The following OR6N2 variants were observed in gnomAD, a reference collection of about 807,000 sequenced individuals.
OR6N2 encodes olfactory receptor family 6 subfamily N member 2.
For synonymous variants in OR6N2, 160 were observed against 138.3 expected (o/e 1.16, Z -1.10); for missense variants, 399 against 379.7 (o/e 1.05, Z -0.42).
chr1:158,779,216 A>T (rs1657688978), intron 1 of OR6N2, among the ~76,000 whole-genome samples: 1 of 152,152 alleles, frequency 6.6e-6, no homozygotes, highest in South Asian at 2.1e-4. Flanking sequence ...AAAAGAAAAC[A>T]ATAACAAAAA....
In OR6N2 at chr1:158,774,859, T is replaced by C. The variant is rs1472397244; in HGVS notation, c.*1823A>G. 1 of 152,142 alleles carries C rather than the reference T, an allele frequency of 6.6e-6. No individual in the cohort carries two copies. The highest frequency in any genetic ancestry group is 1.5e-5 in the Non-Finnish European group (1 of 68,030). 9.4% of individuals were successfully genotyped at this position (152,142 alleles called of 1,614,324 possible). ...TGTGCAGAAAACTGGTGAGTACAAA[T>C]AGGGAAGACCGATGCATTCTATAGA... is the stretch of plus-strand genomic sequence containing the variant. On this transcript the variant is annotated 3_prime_UTR_variant, in exon 2 of 2. Transcript: ENST00000641131.
intron 1 of OR6N2, 96 bp from the exon 2 acceptor site, chr1:158,777,737 G>A: frequency 1.4e-6 from 1 of 718,876 alleles, no homozygotes; most frequent in African/African-American, 1.8e-5. Context: ...TAACTTAAAA[G>A]TAGCACTGAA....
At position 158,777,580 on chromosome 1, in the gene OR6N2, C is replaced by G. The variant is rs1316691746; in HGVS notation, c.56G>C (p.Ser19Thr). The G allele has an allele frequency of 1.2e-6, 2 of 1,614,042 alleles. No homozygotes were observed. The highest frequency in any genetic ancestry group is 1.7e-6 in the Non-Finnish European group (2 of 1,180,004). ...AAGCCAGCCCCTGACATAGCCCACA[C>G]TGGCAAAGCCAAGGAACACAAATTC... The part of the protein sequence containing the change: ...LAEFVFLGFA[S>T]VGYVRGWLFV... Residue 19 changes from serine (S) to threonine (T), a missense_variant, in exon 2 of 2, where the codon AGT (serine) becomes ACT (threonine). Physicochemically the swap from Ser to Thr is moderately conservative, Grantham distance 58. Transcript: ENST00000641131.
chr1:158,780,890 C>T (rs563708259), intron 1 of OR6N2, among the ~76,000 whole-genome samples: 1 of 152,312 alleles, frequency 6.6e-6, no homozygotes, highest in South Asian at 2.1e-4. Context: ...TCTTGTCTCT[C>T]TACCTTTTAA....
intron 1 of OR6N2, among the ~76,000 whole-genome samples, chr1:158,780,909 G>A (rs1358714805): frequency 6.6e-6 from 1 of 152,202 alleles, no homozygotes; most frequent in Non-Finnish European, 1.5e-5. Flanking sequence ...AAAAGCAAAT[G>A]TTTGCTAATC....
rs958145756 is a variant in OR6N2, at chr1:158,776,045, A to C, written c.*637T>G. ...TAGAGATCATATTTAAATCCATAAG[A>C]ATAACTCCGAGTATCTAGGGAGATA... On this transcript the variant is annotated 3_prime_UTR_variant, in exon 2 of 2. Transcript: ENST00000641131. The C allele has an allele frequency of 1.3e-5, 2 of 151,716 alleles. No individual in the cohort carries two copies. Among genetic ancestry groups the C allele is most frequent in the African/African-American group, 4.9e-5 (2 of 40,986 alleles). 9.4% of individuals were successfully genotyped at this position (151,716 alleles called of 1,614,324 possible). A position where few individuals can be genotyped will look rare whatever the true frequency, so the allele number is the denominator to read the frequency against.
chr1:158,776,472 T>A lies in OR6N2; in HGVS notation c.*210A>T. 1 of 428,696 alleles carries A rather than the reference T, an allele frequency of 2.3e-6. No individual in the cohort carries two copies. The highest frequency in any genetic ancestry group is 4.1e-6 in the Non-Finnish European group (1 of 243,912). The allele number at this position is 428,696 out of a possible 1,614,324, so 26.6% of individuals were successfully genotyped here. A position where few individuals can be genotyped will look rare whatever the true frequency, so the allele number is the denominator to read the frequency against. ...ACATGCTTTTTTTTAAAAAAAGAAG[T>A]ATGTAGATACTAAAATATTCTTAAA... On this transcript the variant is annotated 3_prime_UTR_variant, in exon 2 of 2. Transcript: ENST00000641131.
In OR6N2 at chr1:158,774,695, A is replaced by T. The variant is rs1216005375; in HGVS notation, c.*1987T>A. 2 of 146,506 alleles carry T rather than the reference A, an allele frequency of 1.4e-5. No individual in the cohort carries two copies. The highest frequency in any genetic ancestry group is 5.1e-5 in the African/African-American group (2 of 39,088). The allele number at this position is 146,506 out of a possible 1,614,324, so 9.1% of individuals were successfully genotyped here. ...TTATCTAGGGATAGCTTACATGCCCACCAAAGTTTGTGAGTGAAAAAAAAA... is the reference window on the plus strand; with the variant it reads ...TTATCTAGGGATAGCTTACATGCCCTCCAAAGTTTGTGAGTGAAAAAAAAA... On this transcript the variant is annotated 3_prime_UTR_variant, in exon 2 of 2. Coordinates refer to ENST00000641131, the MANE Select transcript of OR6N2 (RefSeq NM_001005278.2).
rs1255115408 is a variant in OR6N2, at chr1:158,776,779, T to C, written c.857A>G (p.Asn286Ser). ...GTTACGAAGACTGTAGATAATTGGATTGACCATTGGTGTTAGTACGGAGTA... is the reference window on the plus strand; with the variant it reads ...GTTACGAAGACTGTAGATAATTGGACTGACCATTGGTGTTAGTACGGAGTA... Reference protein sequence around the residue: ...IVYSVLTPMVNPIIYSLRNKE... With the variant: ...IVYSVLTPMVSPIIYSLRNKE... Residue 286 changes from asparagine to serine, a missense_variant, in exon 2 of 2, where the codon AAT becomes AGT. Asn to Ser is a conservative substitution (Grantham distance 46). Coordinates refer to ENST00000641131, the MANE Select transcript of OR6N2 (RefSeq NM_001005278.2). 4.3e-6 allele frequency: 7 copies of C among 1,613,932 alleles called. No homozygotes were observed. Among genetic ancestry groups the C allele is most frequent in the African/African-American group, 1.3e-5 (1 of 74,932 alleles).
intron 1 of OR6N2, among the ~76,000 whole-genome samples, chr1:158,780,046 G>T (rs1168974112): frequency 6.6e-6 from 1 of 152,042 alleles, no homozygotes; most frequent in Non-Finnish European, 1.5e-5. Context: ...TTTCTCTTTT[G>T]CACCTGAACA....
rs1657613063 is a variant in OR6N2, at chr1:158,776,913, A to G, written c.723T>C (p.Cys241=). 2.5e-6 allele frequency: 4 copies of G among 1,614,054 alleles called. No individual in the cohort carries two copies. Among genetic ancestry groups the G allele is most frequent in the Admixed American group, 1.7e-5 (1 of 60,012 alleles). Residue 241 remains cysteine, a synonymous_variant, in exon 2 of 2, where the codon TGT becomes TGC. Coordinates refer to ENST00000641131, the MANE Select transcript of OR6N2 (RefSeq NM_001005278.2). Reference sequence around the variant, plus strand: ...TGAGGACCACAGCAAGATGTGAGGCACAGGTAGAAAAGGCCTTCTTTCTTC... The same window carrying G: ...TGAGGACCACAGCAAGATGTGAGGCGCAGGTAGAAAAGGCCTTCTTTCTTC... ...ASGRKKAFST[C]ASHLAVVLIF...
rs1315915962 is a variant in OR6N2 at position 158,775,131 on chromosome 1, C to A, written c.*1551G>T. 6.6e-6 allele frequency: 1 copy of A among 152,132 alleles called. No homozygotes were observed. Among genetic ancestry groups the A allele is most frequent in the African/African-American group, 2.4e-5 (1 of 41,412 alleles). The allele number at this position is 152,132 out of a possible 1,614,324, so 9.4% of individuals were successfully genotyped here. A position where few individuals can be genotyped will look rare whatever the true frequency, so the allele number is the denominator to read the frequency against. ...GACAAACTATATCTATGTATATATA[C>A]ATAAATGTCCACAAACACATAAATT... On this transcript the variant is annotated 3_prime_UTR_variant, in exon 2 of 2. Coordinates refer to ENST00000641131, the MANE Select transcript of OR6N2 (RefSeq NM_001005278.2).
At chr1:158,779,083 T>G (rs1657684223) in intron 1 of OR6N2, among the ~76,000 whole-genome samples, 1 of 150,492 alleles carries the variant, frequency 6.6e-6, no homozygotes, top group Non-Finnish European at 1.5e-5. Context: ...ACATGCATCT[T>G]GTGTTTTCAT....
Position 158,775,008 on chromosome 1 carries a change from C to T in OR6N2, c.*1674G>A, listed in dbSNP as rs1657552317. The T allele has an allele frequency of 6.6e-6, 1 of 152,108 alleles. No homozygotes were observed. Among genetic ancestry groups the T allele is most frequent in the Admixed American group, 6.5e-5 (1 of 15,270 alleles). The allele number at this position is 152,108 out of a possible 1,614,324, so 9.4% of individuals were successfully genotyped here. A position where few individuals can be genotyped will look rare whatever the true frequency, so the allele number is the denominator to read the frequency against. ...ATTACGATTGCATTGAATACTCATC[C>T]TATTTAGGTGCTGTGTTAGTTTCTG... is the stretch of plus-strand genomic sequence containing the variant. On this transcript the variant is annotated 3_prime_UTR_variant, in exon 2 of 2. Transcript: ENST00000641131.
In OR6N2 at chr1:158,777,628, T is replaced by C. The variant is rs1168734682; in HGVS notation, c.8A>G (p.Gln3Arg). MD[Q>R]YNHSSLAEFV... ...TTCAGCCAGGCTTGAATGGTTGTAT[T>C]GATCCATGGGAGGCTGAGGTAAAGA... The change falls in exon 2 of 2, where the codon CAA (glutamine) becomes CGA (arginine). Residue 3 changes from glutamine (Q) to arginine (R), a missense_variant. Coordinates refer to ENST00000641131, the MANE Select transcript of OR6N2 (RefSeq NM_001005278.2). 1.2e-6 allele frequency: 2 copies of C among 1,608,456 alleles called. No individual in the cohort carries two copies. Among genetic ancestry groups the C allele is most frequent in the African/African-American group, 1.3e-5 (1 of 74,816 alleles).
chr1:158,779,736 C>G (rs536838753), intron 1 of OR6N2, among the ~76,000 whole-genome samples: 1 of 152,330 alleles, frequency 6.6e-6, no homozygotes, highest in Non-Finnish European at 1.5e-5. Context: ...TCTCTTCTCT[C>G]CATCTGGGAA....
intron 1 of OR6N2, among the ~76,000 whole-genome samples, chr1:158,780,370 T>C (rs534885454): frequency 6.6e-6 from 1 of 152,326 alleles, no homozygotes; most frequent in South Asian, 2.1e-4. Context: ...AATTATTGCA[T>C]GATCAAATGT....
At chr1:158,780,035 T>C (rs1657710899) in intron 1 of OR6N2, among the ~76,000 whole-genome samples, 1 of 152,204 alleles carries the variant, frequency 6.6e-6, no homozygotes, top group Admixed American at 6.5e-5. Context: ...TTAAGTTACA[T>C]TTTCTCTTTT....
At position 158,777,387 on chromosome 1, in the gene OR6N2, A is replaced by G. The variant is rs1367313770; in HGVS notation, c.249T>C (p.Ser83=). 1.2e-6 allele frequency: 2 copies of G among 1,614,200 alleles called. No individual in the cohort carries two copies. The highest frequency in any genetic ancestry group is 3.3e-5 in the Admixed American group (2 of 60,030). The stretch of plus-strand genomic sequence containing the variant: ...TGGTTTTCTTCTCACTGAGAATATT[A>G]GACAACATCTTAGGGATAGTGGTAG... ...YTATTIPKML[S]NILSEKKTIS... The change falls in exon 2 of 2, where the codon TCT becomes TCC. Residue 83 remains serine (S), a synonymous_variant. Coordinates refer to ENST00000641131, the MANE Select transcript of OR6N2 (RefSeq NM_001005278.2).
Sources: allele counts gnomAD v4.1 joint callset (sites outside exome capture counted in the v4.1 genomes callset), GRCh38; gene constraint gnomAD v4.1.1; transcripts MANE v1.5; gene names NCBI Gene and HGNC (gene_info 2026-07-23, HGNC 2026-07-21).